The following KIAA0319 variants were observed in gnomAD, a reference collection of about 807,000 sequenced individuals.
KIAA0319 encodes the protein KIAA0319.
Under a neutral mutation model 108.4 loss-of-function variants are expected in KIAA0319, and 83 were observed. The observed-to-expected ratio is 0.77, with a 90% CI of 0.64 to 0.92. KIAA0319 has a LOEUF of 0.92. Among genes scored for constraint, KIAA0319 ranks in the 40% least tolerant of loss-of-function variants. The pLI is 0.00. For synonymous variants in KIAA0319, 484 were observed against 510.4 expected (o/e 0.95, Z 0.70); for missense variants, 1,195 against 1,322.4 (o/e 0.90, Z 1.49).
At chr6:24,558,365 CTAGA>C (rs59328032) in intron 17 of KIAA0319, among the ~76,000 whole-genome samples, 15,226 of 150,816 alleles carry the variant, frequency 0.1, 906 homozygotes, top group African/African-American at 0.16. Flanking sequence ...ATATATATAT[CTAGA>C]TAGATAGATA....
rs1216820751 is a variant in KIAA0319, at chr6:24,602,020, C to CTT, written c.-105-814_-105-813dup. Among the ~76,000 whole-genome samples, 4 of 142,288 alleles carry CTT rather than the reference C, an allele frequency of 2.8e-5. No individual in the cohort carries two copies. In the East Asian group the frequency reaches 6.1e-4, roughly 22 times the overall value. 93.3% of individuals were successfully genotyped at this position (142,288 alleles called of 152,430 possible). A position where few individuals can be genotyped will look rare whatever the true frequency, so the allele number is the denominator to read the frequency against. On this transcript the variant is annotated intron_variant, in intron 1 of 20. Coordinates refer to ENST00000378214, the MANE Select transcript of KIAA0319 (RefSeq NM_014809.4). ...TGGAATAAATCACACTACTGTATTT[C>CTT]TTTTTTTTTTTTTTTGAGACAGAGT...
intron 8 of KIAA0319, 98 bp downstream of exon 8, chr6:24,579,760 C>A: frequency 1.2e-6 from 1 of 850,992 alleles, no homozygotes; most frequent in South Asian, 1.8e-5. Context: ...ATCAAAGTAA[C>A]AGCCCATAAG....
intron 1 of KIAA0319, among the ~76,000 whole-genome samples, chr6:24,618,283 C>T (rs6456621): frequency 0.12 from 18,494 of 151,884 alleles, 2,195 homozygotes; most frequent in East Asian, 0.43. Flanking sequence ...TTCTCAACCC[C>T]AGAGAGAACC....
intron 1 of KIAA0319, among the ~76,000 whole-genome samples, chr6:24,617,757 C>T (rs369639355): frequency 1.3e-5 from 2 of 152,064 alleles, no homozygotes; most frequent in Non-Finnish European, 1.5e-5. Context: ...GAGGCTGATG[C>T]GGGTGGATCA....
intron 3 of KIAA0319, among the ~76,000 whole-genome samples, chr6:24,592,690 G>T (rs374737896): frequency 1.4e-4 from 22 of 152,216 alleles, no homozygotes; most frequent in African/African-American, 3.6e-4. Context: ...CATGTTATCG[G>T]TGGGGCAAGG....
rs1440748919 is a variant in KIAA0319, at chr6:24,599,989, G to A, written c.55+1060C>T. Among the ~76,000 whole-genome samples, 5 of 151,006 alleles carry A rather than the reference G, an allele frequency of 3.3e-5. No homozygotes were observed. In the East Asian group the frequency reaches 9.8e-4, roughly 30 times the overall value. The stretch of plus-strand genomic sequence containing the variant: ...CTCCAGCTACAAAACAATTCAATTG[G>A]TTTTTTTCCAAAATAAACCCTCAGC... On this transcript the variant is annotated intron_variant, in intron 2 of 20. Coordinates refer to ENST00000378214, the MANE Select transcript of KIAA0319 (RefSeq NM_014809.4). This position sits in a 1 kb window ranked among gnomAD's most constrained non-coding sequence, Gnocchi z 4.1.
chr6:24,643,446 A>C (rs977564803), intron 1 of KIAA0319, among the ~76,000 whole-genome samples: 2 of 152,196 alleles, frequency 1.3e-5, no homozygotes, highest in African/African-American at 4.8e-5. Flanking sequence ...TTAAAAACAA[A>C]TAGAAAAATA....
At position 24,551,533 on chromosome 6, in the gene KIAA0319, G is replaced by T. The variant is rs1447180275; in HGVS notation, c.2949-8C>A. 1 of 1,567,690 alleles carries T rather than the reference G, an allele frequency of 6.4e-7. No homozygotes were observed. The highest frequency in any genetic ancestry group is 8.8e-7 in the Non-Finnish European group (1 of 1,137,512). ...ATTTTAGTCCTTTTTTGTCTGAAAG[G>T]AACAATGAAAAGCTCAACTCAGATC... On this transcript the variant is annotated splice_region_variant and splice_polypyrimidine_tract_variant and intron_variant, in intron 19 of 20. Transcript: ENST00000378214.
intron 1 of KIAA0319, among the ~76,000 whole-genome samples, chr6:24,643,054 G>A (rs1021727450): frequency 2.0e-5 from 3 of 152,146 alleles, no homozygotes; most frequent in African/African-American, 7.2e-5. Context: ...CCAGCAAGTT[G>A]GCAGGCAGGA....
chr6:24,559,097 C>G lies in KIAA0319; in HGVS notation c.2650G>C (p.Glu884Gln). Residue 884 changes from glutamate (E) to glutamine (Q), a missense_variant, in exon 17 of 21, where the codon GAA (glutamate) becomes CAA (glutamine). Coordinates refer to ENST00000378214, the MANE Select transcript of KIAA0319 (RefSeq NM_014809.4). ...CGCATGTGCAGATTTCGGGCCACTT[C>G]AGCAGCTTTGAGAACCTTGAAAGGC... ...RPPFKVLKAA[E>Q]VARNLHMRLS... is the part of the protein sequence containing the mutation. 1 of 1,613,898 alleles carries G rather than the reference C, an allele frequency of 6.2e-7. No individual in the cohort carries two copies. The highest frequency in any genetic ancestry group is 8.5e-7 in the Non-Finnish European group (1 of 1,180,018).
At chr6:24,617,919 G>A (rs942129142) in intron 1 of KIAA0319, among the ~76,000 whole-genome samples, 30 of 152,078 alleles carry the variant, frequency 2.0e-4, no homozygotes, top group Admixed American at 8.5e-4. Flanking sequence ...CCCAGGAGGC[G>A]GAGGTTGCAG....
intron 1 of KIAA0319, among the ~76,000 whole-genome samples, chr6:24,610,408 G>T (rs1393110071): frequency 6.6e-6 from 1 of 152,130 alleles, no homozygotes; most frequent in Admixed American, 6.5e-5. Context: ...CACTAGCATG[G>T]CTATAATAAA....
rs1288304170 is a variant in KIAA0319 at position 24,582,331 on chromosome 6, T to C, written c.1109A>G (p.Tyr370Cys). Residue 370 changes from tyrosine to cysteine, a missense_variant, in exon 6 of 21, where the codon TAT (tyrosine) becomes TGT (cysteine). Physicochemically the swap from Tyr to Cys is radical, Grantham distance 194. Coordinates refer to ENST00000378214, the MANE Select transcript of KIAA0319 (RefSeq NM_014809.4). ...PAPPVETTYN[Y>C]EWNLISHPTD... ...GGGGTGGCTTATTAAATTCCATTCA[T>C]AGTTGTAGGTTGTTTCTGAGAGCAA... The C allele has an allele frequency of 1.9e-6, 3 of 1,608,046 alleles. No individual in the cohort carries two copies. Among genetic ancestry groups the C allele is most frequent in the Non-Finnish European group, 2.6e-6 (3 of 1,174,898 alleles).
At chr6:24,540,221 C>T (rs1323156988), downstream of KIAA0319, among the ~76,000 whole-genome samples, 1 of 151,750 alleles carries the variant, frequency 6.6e-6, no homozygotes, top group Non-Finnish European at 1.5e-5. Flanking sequence ...AGCATAGTCA[C>T]TTATTATATA....
At chr6:24,619,856 G>A (rs888159317) in intron 1 of KIAA0319, among the ~76,000 whole-genome samples, 2 of 152,170 alleles carry the variant, frequency 1.3e-5, no homozygotes, top group Non-Finnish European at 2.9e-5. Context: ...TGCAGCAGGC[G>A]TGCAAATCAC....
At position 24,599,405 on chromosome 6, in the gene KIAA0319, C is replaced by T; in HGVS notation, c.55+1644G>A. ...AGCTGGCCATTAAGGATGCCAATGC[C>T]AAGCTGTCCAAGCTGGAGGCCACCC... On this transcript the variant is annotated intron_variant, in intron 2 of 20. Transcript: ENST00000378214. The surrounding 1 kb of genome is among the most constrained non-coding windows in gnomAD (Gnocchi z 4.1). 1.8e-6 allele frequency: 1 copy of T among 542,368 alleles called. No homozygotes were observed. The highest frequency in any genetic ancestry group is 3.5e-6 in the Non-Finnish European group (1 of 281,862). The allele number at this position is 542,368 out of a possible 1,614,324, so 33.6% of individuals were successfully genotyped here.
intron 1 of KIAA0319, among the ~76,000 whole-genome samples, chr6:24,605,144 T>G (rs1416344278): frequency 6.6e-6 from 1 of 152,192 alleles, no homozygotes; most frequent in Non-Finnish European, 1.5e-5. Context: ...CCCGGCCAAG[T>G]GTTGCTGTTT....
chr6:24,645,002 G>T (rs1777433304), intron 1 of KIAA0319, among the ~76,000 whole-genome samples: 1 of 152,126 alleles, frequency 6.6e-6, no homozygotes, highest in Non-Finnish European at 1.5e-5. Context: ...TACAATTGTG[G>T]TCTTCTTATA....
At chr6:24,563,314 G>T in intron 16 of KIAA0319, 45 bp downstream of exon 16, 1 of 1,575,662 alleles carries the variant, frequency 6.3e-7, no homozygotes, top group South Asian at 1.2e-5. Flanking sequence ...GTAAGAGCTG[G>T]AATTTTGTAC....
Sources: allele counts gnomAD v4.1 joint callset (sites outside exome capture counted in the v4.1 genomes callset), GRCh38; gene constraint gnomAD v4.1.1; non-coding constraint Gnocchi (gnomAD v3.1); transcripts MANE v1.5; gene names NCBI Gene and HGNC (gene_info 2026-07-23, HGNC 2026-07-21).